Variants in CNBD1 observed in about 807,000 individuals in gnomAD.
The protein encoded by CNBD1 is cyclic nucleotide-binding domain-containing protein 1.
CNBD1 carries 71 observed loss-of-function variants against 54.4 expected under a neutral mutation model. The observed-to-expected ratio is 1.30, with a 90% CI of 1.08 to 1.59. The LOEUF (loss-of-function observed/expected upper bound fraction) is 1.59. CNBD1 is among the 40% of genes most tolerant of loss of function. The pLI is 0.00. For missense variants in CNBD1, 659 were observed against 518.0 expected (o/e 1.27, Z -2.64); for synonymous variants, 182 against 170.7 (o/e 1.07, Z -0.51).
intron 8 of CNBD1, among the ~76,000 whole-genome samples, chr8:87,321,110 A>C (rs1169980008): frequency 1.3e-5 from 2 of 152,088 alleles, no homozygotes; most frequent in Admixed American, 1.3e-4. Flanking sequence ...CTTAGTTTCC[A>C]CCACCTGGCC....
At chr8:87,365,408 G>A (rs1810623559) in intron 10 of CNBD1, among the ~76,000 whole-genome samples, 1 of 151,940 alleles carries the variant, frequency 6.6e-6, no homozygotes, top group Non-Finnish European at 1.5e-5. Flanking sequence ...ACCTTTGTCA[G>A]ATGTGTAGTT....
At chr8:87,110,265 T>C (rs1219865007) in intron 4 of CNBD1, among the ~76,000 whole-genome samples, 1 of 152,172 alleles carries the variant, frequency 6.6e-6, no homozygotes, top group African/African-American at 2.4e-5. Flanking sequence ...AAGTGTCCTA[T>C]TGGGGCCTGC....
chr8:86,932,818 T>C (rs1809479161), intron 3 of CNBD1, among the ~76,000 whole-genome samples: 1 of 152,086 alleles, frequency 6.6e-6, no homozygotes, highest in Admixed American at 6.5e-5. Flanking sequence ...AAAAACTGCC[T>C]ATGGTTTTGT....
chr8:87,236,510 A>G (rs1807586896), intron 5 of CNBD1, among the ~76,000 whole-genome samples: 1 of 152,128 alleles, frequency 6.6e-6, no homozygotes, highest in Non-Finnish European at 1.5e-5. Context: ...GGGTAGGTAT[A>G]TATTGTTATT....
intron 8 of CNBD1, among the ~76,000 whole-genome samples, chr8:87,296,948 G>A (rs1808887207): frequency 6.6e-6 from 1 of 151,964 alleles, no homozygotes; most frequent in African/African-American, 2.4e-5. Flanking sequence ...GGCCGAGGCG[G>A]GCGGATCACG....
intron 4 of CNBD1, among the ~76,000 whole-genome samples, chr8:86,971,216 G>T (rs2130490776): frequency 6.6e-6 from 1 of 152,294 alleles, no homozygotes; most frequent in African/African-American, 2.4e-5. Context: ...ATGGCAGAAG[G>T]CAAAGGGGAA....
At chr8:86,926,504 G>C (rs1215081096) in intron 3 of CNBD1, among the ~76,000 whole-genome samples, 1 of 152,156 alleles carries the variant, frequency 6.6e-6, no homozygotes, top group Non-Finnish European at 1.5e-5. Context: ...TACCAAGATG[G>C]CTGTCATGGG....
chr8:87,004,885 C>A (rs1809064341), intron 4 of CNBD1, among the ~76,000 whole-genome samples: 1 of 152,096 alleles, frequency 6.6e-6, no homozygotes, highest in African/African-American at 2.4e-5. Context: ...AACTTTGATA[C>A]TTTAAAATAC....
At chr8:87,142,317 A>G (rs774009919) in intron 4 of CNBD1, among the ~76,000 whole-genome samples, 18 of 152,140 alleles carry the variant, frequency 1.2e-4, no homozygotes, top group Non-Finnish European at 2.2e-4. Flanking sequence ...CCACAATTTT[A>G]TGTATTTTTC....
chr8:87,238,237 G>C (rs867748404), intron 6 of CNBD1, among the ~76,000 whole-genome samples: 1 of 152,094 alleles, frequency 6.6e-6, no homozygotes, highest in African/African-American at 2.4e-5. Context: ...AAAGGGTAGA[G>C]AGAAGTTTCA....
chr8:87,277,087 C>T (rs1373864086), intron 6 of CNBD1, among the ~76,000 whole-genome samples: 1 of 150,122 alleles, frequency 6.7e-6, no homozygotes, highest in Non-Finnish European at 1.5e-5. Flanking sequence ...TATATATATA[C>T]ACATATTCAT....
chr8:87,168,143 C>T (rs1203688355), intron 4 of CNBD1, among the ~76,000 whole-genome samples: 1 of 151,980 alleles, frequency 6.6e-6, no homozygotes, highest in Non-Finnish European at 1.5e-5. Flanking sequence ...TATGTATGCA[C>T]AGTTTTATTT....
rs1245874174 is a variant in CNBD1 at position 86,887,527 on chromosome 8, T to C, written c.89-15T>C. 9 of 1,518,198 alleles carry C rather than the reference T, an allele frequency of 5.9e-6. No homozygotes were observed. Among genetic ancestry groups the C allele is most frequent in the Non-Finnish European group, 8.0e-6 (9 of 1,120,324 alleles). 94.0% of individuals were successfully genotyped at this position (1,518,198 alleles called of 1,614,324 possible). On this transcript the variant is annotated splice_polypyrimidine_tract_variant and intron_variant, in intron 1 of 10. Coordinates refer to ENST00000518476, the MANE Select transcript of CNBD1 (RefSeq NM_173538.3). ...TATGGAAAATTACTCAAATTTTTAA[T>C]TGATTTTTTTTCAGACTTGAAAAAG...
At chr8:87,201,680 AC>A (rs1232731888) in intron 4 of CNBD1, among the ~76,000 whole-genome samples, 1 of 152,226 alleles carries the variant, frequency 6.6e-6, no homozygotes, top group African/African-American at 2.4e-5. Context: ...CAAGACTTGT[AC>A]ACTAATAAAA....
intron 5 of CNBD1, among the ~76,000 whole-genome samples, chr8:87,234,927 G>A (rs1401138371): frequency 6.6e-6 from 1 of 152,158 alleles, no homozygotes; most frequent in Non-Finnish European, 1.5e-5. Flanking sequence ...TCTGTTTAGT[G>A]TAACCACCTT....
chr8:87,141,532 A>T (rs1306645732), intron 4 of CNBD1, among the ~76,000 whole-genome samples: 2 of 152,068 alleles, frequency 1.3e-5, no homozygotes, highest in Non-Finnish European at 2.9e-5. Flanking sequence ...CTGTTTTTCC[A>T]ACCATTTTTA....
intron 6 of CNBD1, among the ~76,000 whole-genome samples, chr8:87,263,433 A>C (rs1013191571): frequency 6.6e-6 from 1 of 152,188 alleles, no homozygotes; most frequent in Non-Finnish European, 1.5e-5. Flanking sequence ...AAATCAGGAC[A>C]TGCTGGCTGG....
intron 2 of CNBD1, among the ~76,000 whole-genome samples, chr8:87,396,923 A>G (rs1483264579): frequency 1.4e-5 from 2 of 146,584 alleles, no homozygotes; most frequent in Non-Finnish European, 3.0e-5. Context: ...TCTTTAAATC[A>G]TCTGGAACTT....
At chr8:87,103,895 C>A (rs1281931693) in intron 4 of CNBD1, among the ~76,000 whole-genome samples, 4 of 152,146 alleles carry the variant, frequency 2.6e-5, no homozygotes, top group Non-Finnish European at 5.9e-5. Flanking sequence ...GAGACCAGGT[C>A]CTCTGCTGAG....
Sources: allele counts gnomAD v4.1 joint callset (sites outside exome capture counted in the v4.1 genomes callset), GRCh38; gene constraint gnomAD v4.1.1; transcripts MANE v1.5; gene names NCBI Gene and HGNC (gene_info 2026-07-23, HGNC 2026-07-21).